The following PCDHGA2 variants were observed in gnomAD, a reference collection of about 807,000 sequenced individuals.
PCDHGA2 encodes the protein protocadherin gamma subfamily A, 2.
PCDHGA2 carries 40 observed loss-of-function variants against 59.2 expected under a neutral mutation model. The ratio of observed to expected loss-of-function variants is 0.68; its 90% CI spans 0.52 to 0.88. PCDHGA2 has a LOEUF of 0.88. Ranked by LOEUF, PCDHGA2 falls within the 40% of genes least tolerant of loss-of-function variation. The pLI is 0.00. For missense variants in PCDHGA2, 1,226 were observed against 1,204.0 expected (o/e 1.02, Z -0.27); for synonymous variants, 560 against 526.0 (o/e 1.06, Z -0.89).
chr5:141,351,742 G>T (rs772414660), intron 1 of PCDHGA2: 1 of 1,613,676 alleles, frequency 6.2e-7, no homozygotes, highest in Admixed American at 1.7e-5. Flanking sequence ...ACCTGGAGCC[G>T]CGGGAGCTGT....
At chr5:141,505,827 TCA>T (rs1197972266) in intron 3 of PCDHGA2, among the ~76,000 whole-genome samples, 4 of 152,072 alleles carry the variant, frequency 2.6e-5, no homozygotes, top group South Asian at 4.1e-4. Context: ...TCTCTAAACC[TCA>T]GTTTCCTCAG....
At chr5:141,342,119 T>A (rs978539418) in intron 1 of PCDHGA2, 35 of 148,012 alleles carry the variant, frequency 2.4e-4, no homozygotes, top group African/African-American at 8.5e-4. Flanking sequence ...CCTTTTTTTT[T>A]ATCTTTCTCA....
chr5:141,455,627 A>G (rs1426625737), intron 1 of PCDHGA2, among the ~76,000 whole-genome samples: 2 of 152,104 alleles, frequency 1.3e-5, no homozygotes, highest in East Asian at 3.9e-4. Context: ...ACACGTGGAG[A>G]TATGTGGGGG....
intron 1 of PCDHGA2, chr5:141,398,277 C>T: frequency 1.4e-6 from 2 of 1,407,866 alleles, no homozygotes; most frequent in Non-Finnish European, 1.9e-6. Flanking sequence ...TGGGGAACCT[C>T]GCCACGGACC....
chr5:141,431,178 TAA>T lies in PCDHGA2; in HGVS notation c.2425-63625_2425-63624del. On this transcript the variant is annotated intron_variant, in intron 1 of 3. Transcript: ENST00000394576. This position sits in a 1 kb window ranked among gnomAD's most constrained non-coding sequence, Gnocchi z 4.8. ...TACTTTCGTGAAAGTGAATTAGAAA[TAA>T]AAATTAGTGAAAATGCAGCCACTGA... is the stretch of plus-strand genomic sequence containing the variant. 1 of 1,614,078 alleles carries T rather than the reference TAA, an allele frequency of 6.2e-7. No homozygotes were observed. Among genetic ancestry groups the T allele is most frequent in the Non-Finnish European group, 8.5e-7 (1 of 1,180,000 alleles).
intron 1 of PCDHGA2, chr5:141,367,404 GCA>G (rs1765111997): frequency 2.0e-5 from 3 of 152,244 alleles, no homozygotes; most frequent in African/African-American, 7.2e-5. Flanking sequence ...GGGCGTGGTG[GCA>G]GGCGCCTGTA....
intron 1 of PCDHGA2, chr5:141,423,780 T>C: frequency 8.0e-7 from 1 of 1,243,766 alleles, no homozygotes; most frequent in Non-Finnish European, 1.0e-6. Flanking sequence ...ATATATTTAG[T>C]TCATATATAT....
intron 1 of PCDHGA2, chr5:141,399,534 A>G (rs772655467): frequency 3.7e-6 from 6 of 1,614,030 alleles, no homozygotes; most frequent in Middle Eastern, 1.6e-4. Flanking sequence ...CCATCGCGCA[A>G]GTCTGCGCCT....
chr5:141,370,423 C>T, intron 1 of PCDHGA2: 1 of 1,586,808 alleles, frequency 6.3e-7, no homozygotes, highest in African/African-American at 1.3e-5. Context: ...TGGAGGGGCC[C>T]AGCAGGGCAG....
Position 141,476,364 on chromosome 5 carries a change from C to T in PCDHGA2, c.2425-18443C>T, listed in dbSNP as rs1462808655. The T allele has an allele frequency of 6.2e-7, 1 of 1,614,036 alleles. No homozygotes were observed. The highest frequency in any genetic ancestry group is 8.5e-7 in the Non-Finnish European group (1 of 1,180,026). Reference sequence around the variant, plus strand: ...AGATTCTTTGAGGTGAACCGGGAGACCGGAGAGATGTTTGTGAACGACCGT... The same window carrying T: ...AGATTCTTTGAGGTGAACCGGGAGATCGGAGAGATGTTTGTGAACGACCGT... On this transcript the variant is annotated intron_variant, in intron 1 of 3. Coordinates refer to ENST00000394576, the MANE Select transcript of PCDHGA2 (RefSeq NM_018915.4). This position sits in a 1 kb window ranked among gnomAD's most constrained non-coding sequence, Gnocchi z 7.6.
chr5:141,488,985 C>G lies in PCDHGA2; in HGVS notation c.2425-5822C>G, dbSNP rs574857958. On this transcript the variant is annotated intron_variant, in intron 1 of 3. Transcript: ENST00000394576. ...ACTTTTTGGCCAATCAGACTCAGAG[C>G]TGAGGTGGGAGATCTGCTCTTCCAG... The G allele has an allele frequency of 7.4e-6, 3 of 405,188 alleles. No homozygotes were observed. In the South Asian group the frequency reaches 2.4e-4, roughly 32 times the overall value. The allele number at this position is 405,188 out of a possible 1,614,324, so 25.1% of individuals were successfully genotyped here.
Position 141,489,968 on chromosome 5 carries a change from A to G in PCDHGA2, c.2425-4839A>G. 6.2e-7 allele frequency: 1 copy of G among 1,614,146 alleles called. No homozygotes were observed. The highest frequency in any genetic ancestry group is 2.2e-5 in the East Asian group (1 of 44,880). On this transcript the variant is annotated intron_variant, in intron 1 of 3. Coordinates refer to ENST00000394576, the MANE Select transcript of PCDHGA2 (RefSeq NM_018915.4). This position sits in a 1 kb window ranked among gnomAD's most constrained non-coding sequence, Gnocchi z 4.5. Reference sequence around the variant, plus strand: ...ATCAATGATAATGCTCCAACCTTCCAATCCTCAGTTCTACGTGTGGGAATC... The same window carrying G: ...ATCAATGATAATGCTCCAACCTTCCGATCCTCAGTTCTACGTGTGGGAATC...
chr5:141,352,024 G>A lies in PCDHGA2; in HGVS notation c.2424+10629G>A, dbSNP rs756674357. ...CCGGCTACCTGGTGACCAAGGTGGT[G>A]GCGGTGGACGCAGACTCAGGACACA... On this transcript the variant is annotated intron_variant, in intron 1 of 3. Coordinates refer to ENST00000394576, the MANE Select transcript of PCDHGA2 (RefSeq NM_018915.4). 7.5e-6 allele frequency: 12 copies of A among 1,609,274 alleles called. No individual in the cohort carries two copies. The Admixed American group carries it at 1.5e-4, about 20-fold the overall frequency.
At chr5:141,364,937 GAGAA>G (rs746946812) in intron 1 of PCDHGA2, 1 of 1,613,948 alleles carries the variant, frequency 6.2e-7, no homozygotes. Context: ...CCTAGACCGC[GAGAA>G]AGAGACTGTT....
At chr5:141,380,964 T>G (rs774157943) in intron 1 of PCDHGA2, among the ~76,000 whole-genome samples, 7 of 152,256 alleles carry the variant, frequency 4.6e-5, no homozygotes, top group Non-Finnish European at 1.0e-4. Flanking sequence ...TCAAAAGTAC[T>G]ATTAAACAAA....
intron 1 of PCDHGA2, among the ~76,000 whole-genome samples, chr5:141,462,029 G>A (rs535977332): frequency 6.6e-6 from 1 of 152,260 alleles, no homozygotes; most frequent in East Asian, 1.9e-4. Context: ...CTTCATGTTG[G>A]TCAGGCGGGT....
intron 1 of PCDHGA2, chr5:141,356,200 C>T (rs770189453): frequency 6.2e-7 from 1 of 1,608,202 alleles, no homozygotes; most frequent in African/African-American, 1.3e-5. Flanking sequence ...AAGCAAGGTA[C>T]TGGTGACAGT....
intron 1 of PCDHGA2, chr5:141,382,939 T>G: frequency 6.3e-7 from 1 of 1,594,910 alleles, no homozygotes; most frequent in Non-Finnish European, 8.6e-7. Context: ...CAGAGGATTC[T>G]TCCTGCTCTC....
Position 141,485,660 on chromosome 5 carries a change from G to A in PCDHGA2, c.2425-9147G>A. On this transcript the variant is annotated intron_variant, in intron 1 of 3. Transcript: ENST00000394576. The surrounding 1 kb of genome is among the most constrained non-coding windows in gnomAD (Gnocchi z 5.7). ...GGAAAAGGCTCAGGATGCAGATGTG[G>A]GGAGCAATTCGATTAGCAGCTATAG... is the stretch of plus-strand genomic sequence containing the variant. 1 of 1,612,716 alleles carries A rather than the reference G, an allele frequency of 6.2e-7. No individual in the cohort carries two copies. Among genetic ancestry groups the A allele is most frequent in the Non-Finnish European group, 8.5e-7 (1 of 1,178,898 alleles).
Sources: allele counts gnomAD v4.1 joint callset (sites outside exome capture counted in the v4.1 genomes callset), GRCh38; gene constraint gnomAD v4.1.1; non-coding constraint Gnocchi (gnomAD v3.1); transcripts MANE v1.5; gene names NCBI Gene and HGNC (gene_info 2026-07-23, HGNC 2026-07-21).